Variants in MRTFB observed in about 807,000 individuals in gnomAD.
MRTFB encodes myocardin related transcription factor B, also known as myocardin-related transcription factor B.
In MRTFB, 29 loss-of-function variants were observed where a neutral mutation model predicts 104.2. The ratio of observed to expected loss-of-function variants is 0.28; its 90% CI spans 0.21 to 0.38. The LOEUF is 0.38. Ranked by LOEUF, MRTFB falls within the 10% of genes least tolerant of loss-of-function variation. MRTFB has a pLI of 1.00. For missense variants in MRTFB, 1,270 were observed against 1,341.6 expected (o/e 0.95, Z 0.83); for synonymous variants, 535 against 519.5 (o/e 1.03, Z -0.41).
chr16:14,048,622 T>C, the MRTFB span, among the ~76,000 whole-genome samples: 1 of 152,104 alleles, frequency 6.6e-6, no homozygotes, highest in South Asian at 2.1e-4. Flanking sequence ...ATTCTAAGTG[T>C]GGTGGGAAGT....
At chr16:14,093,969 A>AT (rs978547497) in intron 2 of MRTFB, among the ~76,000 whole-genome samples, 36 of 152,344 alleles carry the variant, frequency 2.4e-4, no homozygotes, top group Non-Finnish European at 4.7e-4. Flanking sequence ...AAATGATTCT[A>AT]TTTTTTAAGA....
At position 14,171,526 on chromosome 16, in the gene MRTFB, A is replaced by G. The variant is rs188778531; in HGVS notation, c.154+30766A>G. On this transcript the variant is annotated intron_variant, in intron 3 of 16. Transcript: ENST00000571589. ...AAAAAAAAAAAATACATTTACACACATCTCTGTTTCTGGCACTATCACTGT... is the reference window on the plus strand; with the variant it reads ...AAAAAAAAAAAATACATTTACACACGTCTCTGTTTCTGGCACTATCACTGT... 3.7e-4 allele frequency among the ~76,000 whole-genome samples: 57 copies of G among 152,008 alleles called. No homozygotes were observed. In the East Asian group the frequency reaches 0.011, roughly 28 times the overall value.
intron 3 of MRTFB, chr16:14,200,131 A>G: frequency 1.5e-6 from 1 of 665,338 alleles, no homozygotes; most frequent in South Asian, 2.1e-5. Flanking sequence ...CATTATTAGA[A>G]ATTTAATTTA....
chr16:14,042,366 C>T, the MRTFB span, among the ~76,000 whole-genome samples: 2 of 152,164 alleles, frequency 1.3e-5, no homozygotes, highest in Admixed American at 6.5e-5. Context: ...TCTGGTGATC[C>T]GCCCACCTGG....
At chr16:14,200,573 T>C in intron 3 of MRTFB, 1 of 1,603,892 alleles carries the variant, frequency 6.2e-7, no homozygotes, top group Non-Finnish European at 8.5e-7. Flanking sequence ...CTTGTTGTCA[T>C]GTGACTTTTG....
upstream of MRTFB, among the ~76,000 whole-genome samples, chr16:14,069,397 T>C (rs573274248): frequency 6.6e-6 from 1 of 152,360 alleles, no homozygotes; most frequent in Non-Finnish European, 1.5e-5. Context: ...GACTGAGCTA[T>C]GTCACCAGTT....
At chr16:14,029,756 T>C in the MRTFB span, among the ~76,000 whole-genome samples, 4 of 152,126 alleles carry the variant, frequency 2.6e-5, no homozygotes, top group East Asian at 1.9e-4. Context: ...AGAGTCACTG[T>C]CCAGCTCTGA....
At chr16:14,084,699 G>A (rs961122741) in intron 2 of MRTFB, among the ~76,000 whole-genome samples, 10 of 152,206 alleles carry the variant, frequency 6.6e-5, no homozygotes, top group African/African-American at 2.2e-4. Flanking sequence ...GCATTCATAT[G>A]TAAACCTATG....
intron 3 of MRTFB, chr16:14,143,471 G>C (rs1291833633): frequency 6.7e-6 from 1 of 150,242 alleles, no homozygotes; most frequent in African/African-American, 2.5e-5. Flanking sequence ...AATCTTCCCG[G>C]TATCTTTGAA....
At chr16:13,999,566 T>A in the MRTFB span, among the ~76,000 whole-genome samples, 3 of 150,684 alleles carry the variant, frequency 2.0e-5, no homozygotes, top group African/African-American at 7.3e-5. Flanking sequence ...GCCATCAGTA[T>A]AAAGATGCAA....
the MRTFB span, chr16:14,020,882 G>C: frequency 3.9e-5 from 6 of 152,184 alleles, no homozygotes; most frequent in Admixed American, 3.9e-4. Context: ...TTTCAGGGTG[G>C]GAAACTCCTC....
chr16:14,219,007 T>C lies in MRTFB; in HGVS notation c.693+9T>C. 1 of 1,592,666 alleles carries C rather than the reference T, an allele frequency of 6.3e-7. No individual in the cohort carries two copies. The highest frequency in any genetic ancestry group is 1.1e-5 in the South Asian group (1 of 87,602). On this transcript the variant is annotated intron_variant, in intron 8 of 16. Coordinates refer to ENST00000571589, the MANE Select transcript of MRTFB (RefSeq NM_001308142.2). ...CAAACACTCCAGCGCAGGTATTATCTTTCTGGTTTTGACCCCTAAAGAAAG... is the reference window on the plus strand; with the variant it reads ...CAAACACTCCAGCGCAGGTATTATCCTTCTGGTTTTGACCCCTAAAGAAAG...
the MRTFB span, among the ~76,000 whole-genome samples, chr16:14,057,101 T>C: frequency 6.6e-6 from 1 of 152,176 alleles, no homozygotes; most frequent in African/African-American, 2.4e-5. Flanking sequence ...CGGTCCTTCC[T>C]ACTGCAAAAA....
intron 2 of MRTFB, among the ~76,000 whole-genome samples, chr16:14,129,890 G>A (rs929536040): frequency 3.3e-5 from 5 of 152,082 alleles, no homozygotes; most frequent in African/African-American, 7.2e-5. Context: ...GTGCAGTGGC[G>A]TGATCTCCCC....
At chr16:14,096,841 G>T (rs2035404594) in intron 2 of MRTFB, among the ~76,000 whole-genome samples, 1 of 152,106 alleles carries the variant, frequency 6.6e-6, no homozygotes, top group Admixed American at 6.5e-5. Context: ...ACATTCTTTG[G>T]TGTTTGCAAG....
intron 8 of MRTFB, 142 bp from the exon 9 acceptor site, chr16:14,234,004 T>C: frequency 1.0e-6 from 1 of 968,186 alleles, no homozygotes; most frequent in South Asian, 1.7e-5. Flanking sequence ...TTCCACCATC[T>C]GGCCTCAGAC....
chr16:14,019,653 C>T, the MRTFB span, among the ~76,000 whole-genome samples: 1 of 152,334 alleles, frequency 6.6e-6, no homozygotes, highest in East Asian at 1.9e-4. Context: ...GCTTCACGTC[C>T]TATTTCCAGG....
intron 3 of MRTFB, among the ~76,000 whole-genome samples, chr16:14,172,826 T>A (rs2039466220): frequency 6.6e-6 from 1 of 152,214 alleles, no homozygotes; most frequent in Admixed American, 6.5e-5. Context: ...AAAGAATGAA[T>A]TATCTGTTTA....
chr16:14,180,785 T>C (rs2039741496), intron 3 of MRTFB, among the ~76,000 whole-genome samples: 1 of 152,010 alleles, frequency 6.6e-6, no homozygotes, highest in Admixed American at 6.6e-5. Context: ...TCAGAGAGGG[T>C]GAAGCAAACC....
Sources: allele counts gnomAD v4.1 joint callset (sites outside exome capture counted in the v4.1 genomes callset), GRCh38; gene constraint gnomAD v4.1.1; transcripts MANE v1.5; gene names NCBI Gene and HGNC (gene_info 2026-07-23, HGNC 2026-07-21).